The following NCK2 variants were observed in gnomAD, a reference collection of about 807,000 sequenced individuals.
NCK2 encodes cytoplasmic protein NCK2.
Under a neutral mutation model 33.9 loss-of-function variants are expected in NCK2, and 16 were observed. The ratio of observed to expected loss-of-function variants is 0.47; its 90% CI spans 0.32 to 0.72. NCK2 has a LOEUF of 0.72. Ranked by LOEUF, NCK2 falls within the 30% of genes least tolerant of loss-of-function variation. The probability of loss-of-function intolerance (pLI) is 0.03; values close to 1 mark genes in which losing one functional copy is unlikely to be tolerated. For missense variants in NCK2, 418 were observed against 537.3 expected, an observed-to-expected ratio of 0.78 and a Z score of 2.19; for synonymous variants, 273 against 239.9, an observed-to-expected ratio of 1.14 and a Z score of -1.27.
At chr2:105,781,591 G>A (rs1241836499) in intron 1 of NCK2, among the ~76,000 whole-genome samples, 2 of 152,204 alleles carry the variant, frequency 1.3e-5, no homozygotes, top group Admixed American at 6.5e-5. Flanking sequence ...TGTGACTTTG[G>A]GCTGGCAGAG....
chr2:105,833,076 T>A (rs559170983), intron 2 of NCK2, among the ~76,000 whole-genome samples: 1 of 149,672 alleles, frequency 6.7e-6, no homozygotes, highest in Non-Finnish European at 1.5e-5. Context: ...TCCCCTCCCC[T>A]CTTTTTTCTT....
At chr2:105,771,896 A>C (rs894985857) in intron 1 of NCK2, among the ~76,000 whole-genome samples, 1 of 152,154 alleles carries the variant, frequency 6.6e-6, no homozygotes, top group African/African-American at 2.4e-5. Flanking sequence ...AGCTGTTCCC[A>C]GAAGCTTCCT....
intron 2 of NCK2, among the ~76,000 whole-genome samples, chr2:105,851,244 G>A (rs1677053778): frequency 6.6e-6 from 1 of 152,030 alleles, no homozygotes; most frequent in Non-Finnish European, 1.5e-5. Flanking sequence ...CTGCTAAGTC[G>A]GTGTCCGGCA....
intron 1 of NCK2, among the ~76,000 whole-genome samples, chr2:105,794,833 C>G (rs2104433540): frequency 6.6e-6 from 1 of 152,252 alleles, no homozygotes; most frequent in East Asian, 1.9e-4. Context: ...GCCTCAGCCT[C>G]CCGAATAGTT....
At chr2:105,796,611 G>A (rs1691090595) in intron 1 of NCK2, among the ~76,000 whole-genome samples, 1 of 152,144 alleles carries the variant, frequency 6.6e-6, no homozygotes, top group Admixed American at 6.5e-5. Flanking sequence ...GGCTGGAGAT[G>A]GTGCTTTTCT....
intron 1 of NCK2, among the ~76,000 whole-genome samples, chr2:105,755,710 C>G (rs527737026): frequency 6.6e-6 from 1 of 151,444 alleles, no homozygotes; most frequent in African/African-American, 2.5e-5. Context: ...GAACCCATGC[C>G]TATAAATTCG....
intron 3 of NCK2, among the ~76,000 whole-genome samples, chr2:105,858,748 T>C (rs2104594381): frequency 6.6e-6 from 1 of 152,340 alleles, no homozygotes; most frequent in South Asian, 2.1e-4. Flanking sequence ...TTGTTAAGAG[T>C]AGCTTGAGGA....
chr2:105,771,687 G>T (rs1290980284), intron 1 of NCK2, among the ~76,000 whole-genome samples: 1 of 152,196 alleles, frequency 6.6e-6, no homozygotes, highest in Non-Finnish European at 1.5e-5. Flanking sequence ...TTTTAAAGCT[G>T]ATGTTTCTCA....
At chr2:105,783,990 C>T (rs958665969) in intron 1 of NCK2, among the ~76,000 whole-genome samples, 2 of 152,264 alleles carry the variant, frequency 1.3e-5, no homozygotes, top group Non-Finnish European at 2.9e-5. Flanking sequence ...ACTGAGTAAG[C>T]AGCAGGACCT....
chr2:105,786,781 G>A (rs965857794), intron 1 of NCK2, among the ~76,000 whole-genome samples: 17 of 152,062 alleles, frequency 1.1e-4, no homozygotes, highest in East Asian at 7.7e-4. Context: ...CCTCCCCCAC[G>A]CATTGCTTCC....
chr2:105,774,615 A>C (rs1304933906), intron 1 of NCK2, among the ~76,000 whole-genome samples: 1 of 152,052 alleles, frequency 6.6e-6, no homozygotes, highest in Admixed American at 6.6e-5. Context: ...TGGCTGGGGA[A>C]GGCACACACA....
At chr2:105,837,431 G>A (rs1408079538) in intron 2 of NCK2, among the ~76,000 whole-genome samples, 1 of 152,160 alleles carries the variant, frequency 6.6e-6, no homozygotes, top group Non-Finnish European at 1.5e-5. Context: ...CTGTGTGATT[G>A]TGTGGGGAGT....
chr2:105,863,201 C>G (rs192145082), intron 3 of NCK2, among the ~76,000 whole-genome samples: 4 of 152,278 alleles, frequency 2.6e-5, no homozygotes, highest in East Asian at 3.9e-4. Context: ...GCTGGGAAAT[C>G]GGAAATTCTC....
chr2:105,774,923 G>C (rs754062590), intron 1 of NCK2, among the ~76,000 whole-genome samples: 10 of 150,430 alleles, frequency 6.6e-5, no homozygotes, highest in African/African-American at 2.2e-4. Context: ...TCCAGGCACC[G>C]GTGGCTTATG....
chr2:105,838,469 A>T (rs1676516052), intron 2 of NCK2, among the ~76,000 whole-genome samples: 1 of 152,196 alleles, frequency 6.6e-6, no homozygotes, highest in South Asian at 2.1e-4. Context: ...GTATTTCATG[A>T]ATATTTATGT....
At chr2:105,892,613 G>A (rs115095346) in intron 4 of NCK2, among the ~76,000 whole-genome samples, 12 of 137,324 alleles carry the variant, frequency 8.7e-5, no homozygotes, top group South Asian at 8.2e-4. Context: ...AGGCTGGGAG[G>A]GGGGTGGGGA....
chr2:105,804,818 A>T (rs903647933), intron 1 of NCK2, among the ~76,000 whole-genome samples: 1 of 152,192 alleles, frequency 6.6e-6, no homozygotes, highest in African/African-American at 2.4e-5. Context: ...CCACGTTGAT[A>T]TTCATGGCCT....
chr2:105,770,800 A>G (rs191081939), intron 1 of NCK2, among the ~76,000 whole-genome samples: 1 of 126,792 alleles, frequency 7.9e-6, no homozygotes, highest in Non-Finnish European at 1.7e-5. Flanking sequence ...AAAGTATTTC[A>G]GATCCAGGAA....
intron 1 of NCK2, among the ~76,000 whole-genome samples, chr2:105,750,368 G>A (rs561240389): frequency 5.3e-5 from 8 of 152,206 alleles, no homozygotes; most frequent in Admixed American, 1.3e-4. Context: ...CTCCTGAAGC[G>A]TCCTGTCTCC....
Sources: gnomAD v4.1 joint callset for allele counts (sites outside exome capture counted in the v4.1 genomes callset) on GRCh38, gnomAD v4.1.1 for gene constraint, MANE v1.5 for transcripts, NCBI Gene and HGNC (gene_info 2026-07-23, HGNC 2026-07-21) for gene names.